Variants in IRAG1 observed in about 807,000 individuals in gnomAD.
IRAG1 encodes the protein IP3R-associated cGMP kinase substrate.
A neutral mutation model predicts 106.2 loss-of-function variants in IRAG1; 62 were observed. The ratio of observed to expected loss-of-function variants is 0.58; its 90% confidence interval spans 0.48 to 0.72. The LOEUF is 0.72. Ranked by LOEUF, IRAG1 falls within the 30% of genes least tolerant of loss-of-function variation. IRAG1 has a pLI of 0.00. For synonymous variants in IRAG1, 462 were observed against 443.9 expected (o/e 1.04, Z -0.51); for missense variants, 1,064 against 1,140.7 (o/e 0.93, Z 0.97).
At position 10,626,538 on chromosome 11, in the gene IRAG1, T is replaced by G; in HGVS notation, c.796A>C (p.Lys266Gln). Residue 266 changes from lysine to glutamine, a missense_variant, in exon 9 of 21, where the codon AAA becomes CAA. Transcript: ENST00000423302. The stretch of plus-strand genomic sequence containing the variant: ...GGAGCCAGCCTGCCCTGAGACACTT[T>G]CCTCTGGTCATTCTGCTTCCTGTCA... The part of the protein sequence containing the change: ...LADRKQNDQR[K>Q]VSQGRLAPRP... 1 of 1,612,662 alleles carries G rather than the reference T, an allele frequency of 6.2e-7. No homozygotes were observed. The highest frequency in any genetic ancestry group is 8.5e-7 in the Non-Finnish European group (1 of 1,179,060).
chr11:10,683,906 T>C (rs1442754204), intron 1 of IRAG1, among the ~76,000 whole-genome samples: 1 of 150,636 alleles, frequency 6.6e-6, no homozygotes, highest in Non-Finnish European at 1.5e-5. Context: ...AAAAAAAGCA[T>C]GATTTTCAAA....
intron 20 of IRAG1, among the ~76,000 whole-genome samples, chr11:10,577,372 A>G (rs928864711): frequency 2.7e-5 from 4 of 147,940 alleles, no homozygotes; most frequent in Admixed American, 2.7e-4. Context: ...TTCCTTCCCA[A>G]CTGTCTTTCA....
chr11:10,680,100 C>G (rs912896624), intron 1 of IRAG1, among the ~76,000 whole-genome samples: 4 of 151,864 alleles, frequency 2.6e-5, no homozygotes, highest in Non-Finnish European at 5.9e-5. Flanking sequence ...ATGGTGAAAC[C>G]TGTCTCTACT....
chr11:10,687,594 TC>T, intron 1 of IRAG1: 3 of 1,066,412 alleles, frequency 2.8e-6, no homozygotes, highest in Non-Finnish European at 3.6e-6. Context: ...CCTTAAAGCT[TC>T]AGTGAAGGAA....
intron 1 of IRAG1, chr11:10,687,833 T>C (rs1861774981): frequency 7.8e-7 from 1 of 1,283,852 alleles, no homozygotes; most frequent in Non-Finnish European, 1.0e-6. Context: ...TACCGAGTGC[T>C]AAGAATAGAC....
chr11:10,645,043 G>A (rs1254504987), intron 2 of IRAG1, among the ~76,000 whole-genome samples: 2 of 152,206 alleles, frequency 1.3e-5, no homozygotes, highest in Non-Finnish European at 2.9e-5. Context: ...GAGCAAATTG[G>A]ATCTGACAGA....
Position 10,628,326 on chromosome 11 carries a change from G to A in IRAG1, c.653-301C>T, listed in dbSNP as rs1037716431. 2.0e-5 allele frequency among the ~76,000 whole-genome samples: 3 copies of A among 152,212 alleles called. No individual in the cohort carries two copies. Among genetic ancestry groups the A allele is most frequent in the Non-Finnish European group, 2.9e-5 (2 of 68,030 alleles). On this transcript the variant is annotated intron_variant, in intron 6 of 20. Transcript: ENST00000423302. This position sits in a 1 kb window ranked among gnomAD's most constrained non-coding sequence, Gnocchi z 4.1. ...GTGCCCTGCCGCACTGATGAGGGCC[G>A]GTTGCCCTTCCTGGCACCCTCCCCC...
At chr11:10,578,913 C>T (rs1430000425) in intron 20 of IRAG1, among the ~76,000 whole-genome samples, 1 of 152,190 alleles carries the variant, frequency 6.6e-6, no homozygotes, top group African/African-American at 2.4e-5. Context: ...CAGTCTGTCT[C>T]TGCTGTATTC....
At chr11:10,655,171 C>T (rs1858823989) in intron 1 of IRAG1, among the ~76,000 whole-genome samples, 1 of 152,160 alleles carries the variant, frequency 6.6e-6, no homozygotes, top group African/African-American at 2.4e-5. Context: ...CAGGTCCAGG[C>T]TGTCTTAACA....
intron 20 of IRAG1, among the ~76,000 whole-genome samples, chr11:10,577,247 T>C (rs1416550268): frequency 6.6e-6 from 1 of 152,228 alleles, no homozygotes; most frequent in Non-Finnish European, 1.5e-5. Context: ...CTCATTAATA[T>C]TTATTCTCTA....
intron 10 of IRAG1, among the ~76,000 whole-genome samples, chr11:10,610,885 A>G (rs574772530): frequency 6.6e-5 from 10 of 152,286 alleles, no homozygotes; most frequent in African/African-American, 2.2e-4. Flanking sequence ...GTAGAACTTC[A>G]TATTTATCCA....
At chr11:10,601,280 T>C (rs1335750083) in intron 14 of IRAG1, among the ~76,000 whole-genome samples, 1 of 152,184 alleles carries the variant, frequency 6.6e-6, no homozygotes, top group Admixed American at 6.5e-5. Context: ...CTGCAGGAGA[T>C]GACAGGCAGA....
intron 2 of IRAG1, among the ~76,000 whole-genome samples, chr11:10,650,678 C>T (rs1195049950): frequency 6.6e-6 from 1 of 152,172 alleles, no homozygotes; most frequent in African/African-American, 2.4e-5. Flanking sequence ...GCTTTTGGAA[C>T]TTGGCACCCT....
At chr11:10,653,769 C>A (rs1858713878) in intron 1 of IRAG1, among the ~76,000 whole-genome samples, 1 of 152,202 alleles carries the variant, frequency 6.6e-6, no homozygotes, top group Non-Finnish European at 1.5e-5. Context: ...CGGGGGTCTG[C>A]AGCCCAGGAA....
At chr11:10,632,138 C>A in intron 3 of IRAG1, 77 bp from the exon 4 acceptor site, 1 of 846,034 alleles carries the variant, frequency 1.2e-6, no homozygotes, top group Non-Finnish European at 1.9e-6. Flanking sequence ...CCTGTATATT[C>A]TTTTTCTTTT....
intron 1 of IRAG1, chr11:10,687,884 G>A (rs969826773): frequency 8.8e-5 from 91 of 1,030,634 alleles, no homozygotes; most frequent in Non-Finnish European, 1.1e-4. Flanking sequence ...TTTGGGGGGG[G>A]GTGGTATTTA....
intron 2 of IRAG1, among the ~76,000 whole-genome samples, chr11:10,641,739 A>C (rs951374314): frequency 2.6e-5 from 4 of 152,212 alleles, no homozygotes; most frequent in Non-Finnish European, 4.4e-5. Context: ...AGAGGAAACG[A>C]GAAGATGAAA....
chr11:10,582,003 A>AG lies in IRAG1; in HGVS notation c.2241-18dup, dbSNP rs1851441162. The AG allele has an allele frequency of 6.3e-7, 1 of 1,594,834 alleles. No individual in the cohort carries two copies. Among genetic ancestry groups the AG allele is most frequent in the Admixed American group, 1.8e-5 (1 of 55,664 alleles). On this transcript the variant is annotated splice_polypyrimidine_tract_variant and intron_variant, in intron 18 of 20. Transcript: ENST00000423302. ...GTCTTTCCACTAGTGAGAAGAGGGA[A>AG]GTACAGGGCATCATTTCAGAAAAAG...
chr11:10,624,640 G>C (rs1856095063), intron 9 of IRAG1, among the ~76,000 whole-genome samples: 1 of 152,102 alleles, frequency 6.6e-6, no homozygotes, highest in Admixed American at 6.6e-5. Flanking sequence ...GAAGGGGCCA[G>C]CAGAGGGTGC....
Sources: gnomAD v4.1 joint callset for allele counts (sites outside exome capture counted in the v4.1 genomes callset) on GRCh38, gnomAD v4.1.1 for gene constraint, Gnocchi (gnomAD v3.1) non-coding constraint, MANE v1.5 for transcripts, NCBI Gene and HGNC (gene_info 2026-07-23, HGNC 2026-07-21) for gene names.